GTSE1: variants seen among roughly 807,000 people sequenced by gnomAD.
The protein encoded by GTSE1 is G2 and S phase-expressed protein 1.
In GTSE1, 52 loss-of-function variants were observed where a neutral mutation model predicts 60.5. That is an observed-to-expected ratio of 0.86 (90% CI 0.69 to 1.08). The LOEUF (loss-of-function observed/expected upper bound fraction) is 1.08, where lower values mean the gene tolerates loss of function less well. Among genes scored for constraint, GTSE1 ranks in the 50% least tolerant of loss-of-function variants. The pLI is 0.00. For synonymous variants in GTSE1, 368 were observed against 386.5 expected, an observed-to-expected ratio of 0.95 and a Z score of 0.56; for missense variants, 937 against 961.8, an observed-to-expected ratio of 0.97 and a Z score of 0.34.
Position 46,297,796 on chromosome 22 carries a change from G to A in GTSE1, c.79+317G>A, listed in dbSNP as rs895885482. 6.6e-6 allele frequency among the ~76,000 whole-genome samples: 1 copy of A among 152,074 alleles called. No individual in the cohort carries two copies. The highest frequency in any genetic ancestry group is 1.5e-5 in the Non-Finnish European group (1 of 68,002). ...TCTTTTTTGTTTGTCGCTGGTTTCT[G>A]TTTGCTAAGACTTATTTAGGATCTT... is the stretch of plus-strand genomic sequence containing the variant. On this transcript the variant is annotated intron_variant, in intron 2 of 11. Coordinates refer to ENST00000454366, the MANE Select transcript of GTSE1 (RefSeq NM_016426.7). This position sits in a 1 kb window ranked among gnomAD's most constrained non-coding sequence, Gnocchi z 4.9.
At chr22:46,315,032 G>T (rs1472071424) in intron 6 of GTSE1, among the ~76,000 whole-genome samples, 1 of 151,076 alleles carries the variant, frequency 6.6e-6, no homozygotes, top group Non-Finnish European at 1.5e-5. Context: ...GGGACTACAG[G>T]CACATGCCAC....
In GTSE1 at chr22:46,326,566, C is replaced by T. The variant is rs2077845502; in HGVS notation, c.1636C>T (p.Pro546Ser). ...CTGCTCTGGCCTTCCACCGATGACC[C>T]CCAAAACGATGCCCAGGGCCGTGGG... is the stretch of plus-strand genomic sequence containing the variant. ...RRCSGLPPMT[P>S]KTMPRAVGSP... Residue 546 changes from proline (P) to serine (S), a missense_variant, in exon 9 of 12, where the codon CCC becomes TCC. Pro to Ser is a moderately conservative substitution (Grantham distance 74, BLOSUM62 -1). Transcript: ENST00000454366. 1.2e-6 allele frequency: 2 copies of T among 1,614,148 alleles called. No homozygotes were observed. The highest frequency in any genetic ancestry group is 1.7e-6 in the Non-Finnish European group (2 of 1,180,012).
intron 5 of GTSE1, 111 bp downstream of exon 5, chr22:46,312,416 G>A (rs2077754067): frequency 5.0e-6 from 5 of 1,004,126 alleles, no homozygotes; most frequent in Non-Finnish European, 7.3e-6. Flanking sequence ...AAGGTGGGAG[G>A]ATCACTTGAG....
In GTSE1 at chr22:46,316,036, A is replaced by G. The variant is rs757009450; in HGVS notation, c.1056A>G (p.Lys352=). 2 of 1,511,612 alleles carry G rather than the reference A, an allele frequency of 1.3e-6. No homozygotes were observed. Among genetic ancestry groups the G allele is most frequent in the South Asian group, 1.3e-5 (1 of 74,724 alleles). 93.6% of individuals were successfully genotyped at this position (1,511,612 alleles called of 1,614,324 possible). The change falls in exon 7 of 12, where the codon AAA becomes AAG. Residue 352 remains lysine, a synonymous_variant. Coordinates refer to ENST00000454366, the MANE Select transcript of GTSE1 (RefSeq NM_016426.7). The surrounding 1 kb of genome is among the most constrained non-coding windows in gnomAD (Gnocchi z 5.0). ...TTTTGTGTGTATACCTTCTAGCTAAATCAAGTGAATTTGCAAGTATTCCTG... is the reference window on the plus strand; with the variant it reads ...TTTTGTGTGTATACCTTCTAGCTAAGTCAAGTGAATTTGCAAGTATTCCTG... ...ACTSPAVGKA[K]SSEFASIPAN...
intron 2 of GTSE1, among the ~76,000 whole-genome samples, chr22:46,306,332 C>G (rs2077715052): frequency 6.6e-6 from 1 of 151,906 alleles, no homozygotes; most frequent in Non-Finnish European, 1.5e-5. Flanking sequence ...CAGGCACCTG[C>G]CACCACGCCC....
At chr22:46,300,356 A>T (rs1346923022) in intron 2 of GTSE1, among the ~76,000 whole-genome samples, 1 of 151,492 alleles carries the variant, frequency 6.6e-6, no homozygotes, top group Non-Finnish European at 1.5e-5. Flanking sequence ...TCAGCCTACC[A>T]CTGTGCTGGG....
Position 46,297,449 on chromosome 22 carries a change from G to A in GTSE1, c.49G>A (p.Asp17Asn), listed in dbSNP as rs906788261. Residue 17 changes from aspartate to asparagine, a missense_variant, in exon 2 of 12, where the codon GAC becomes AAC. By Grantham distance (23) the Asp-to-Asn change is conservative. Transcript: ENST00000454366. This position sits in a 1 kb window ranked among gnomAD's most constrained non-coding sequence, Gnocchi z 4.9. ...RDEPSACRAG[D>N]VNMDDPKKED... ...TGAGCCTTCAGCCTGCCGGGCAGGG[G>A]ACGTGAACATGGATGACCCTAAGAA... 8 of 1,613,672 alleles carry A rather than the reference G, an allele frequency of 5.0e-6. No homozygotes were observed. Among genetic ancestry groups the A allele is most frequent in the African/African-American group, 1.3e-5 (1 of 74,932 alleles).
rs936754288 is a variant in GTSE1, at chr22:46,329,879, G to T, written c.2137-168G>T. ...GCCTGGGCTTCTCCGTGTGTGTCCTGTCTCCTTCCAGCTTCTTAGACGTGG... is the reference window on the plus strand; with the variant it reads ...GCCTGGGCTTCTCCGTGTGTGTCCTTTCTCCTTCCAGCTTCTTAGACGTGG... On this transcript the variant is annotated intron_variant, in intron 11 of 11. Coordinates refer to ENST00000454366, the MANE Select transcript of GTSE1 (RefSeq NM_016426.7). The surrounding 1 kb of genome is among the most constrained non-coding windows in gnomAD (Gnocchi z 6.4). Among the ~76,000 whole-genome samples the T allele has an allele frequency of 6.6e-6, 1 of 152,210 alleles. No homozygotes were observed. Among genetic ancestry groups the T allele is most frequent in the Admixed American group, 6.5e-5 (1 of 15,286 alleles).
rs2077829514 is a variant in GTSE1 at position 46,324,005 on chromosome 22, A to T, written c.1505+743A>T. ...CCGTGTCCGGCCTGACTTGGCTTTG[A>T]ATCCCAGCTCCACCACTTCCTGGTC... On this transcript the variant is annotated intron_variant, in intron 8 of 11. Transcript: ENST00000454366. This position sits in a 1 kb window ranked among gnomAD's most constrained non-coding sequence, Gnocchi z 5.2. Among the ~76,000 whole-genome samples the T allele has an allele frequency of 6.6e-6, 1 of 151,874 alleles. No homozygotes were observed.
At position 46,310,793 on chromosome 22, in the gene GTSE1, G is replaced by C. The variant is rs966889018; in HGVS notation, c.763-1348G>C. Among the ~76,000 whole-genome samples the C allele has an allele frequency of 3.9e-5, 6 of 152,146 alleles. No individual in the cohort carries two copies. Among genetic ancestry groups the C allele is most frequent in the African/African-American group, 1.4e-4 (6 of 41,430 alleles). On this transcript the variant is annotated intron_variant, in intron 4 of 11. Coordinates refer to ENST00000454366, the MANE Select transcript of GTSE1 (RefSeq NM_016426.7). This position sits in a 1 kb window ranked among gnomAD's most constrained non-coding sequence, Gnocchi z 4.4. ...AAAAATACAAAAATTAGCCAAGTAT[G>C]GTGGTGCACACCTGTAATCCCAGCT...
At chr22:46,315,514 C>A (rs2077773823) in intron 6 of GTSE1, among the ~76,000 whole-genome samples, 1 of 152,200 alleles carries the variant, frequency 6.6e-6, no homozygotes, top group South Asian at 2.1e-4. Context: ...CTTTAAGAAT[C>A]CTTTACCAGA....
In GTSE1 at chr22:46,329,514, A is replaced by G. The variant is rs754874942; in HGVS notation, c.2083A>G (p.Asn695Asp). ...CAGGCCTCTGATCGACCTCATGACA[A>G]ACACTCCAGACATGAATAAAAATGT... ...ESRPLIDLMT[N>D]TPDMNKNVAK... The change falls in exon 11 of 12, where the codon AAC (asparagine) becomes GAC (aspartate). Residue 695 changes from asparagine to aspartate, a missense_variant. Coordinates refer to ENST00000454366, the MANE Select transcript of GTSE1 (RefSeq NM_016426.7). The surrounding 1 kb of genome is among the most constrained non-coding windows in gnomAD (Gnocchi z 6.4). 1 of 1,614,158 alleles carries G rather than the reference A, an allele frequency of 6.2e-7. No individual in the cohort carries two copies. The highest frequency in any genetic ancestry group is 2.2e-5 in the East Asian group (1 of 44,870).
rs2077662000 is a variant in GTSE1 at position 46,297,223 on chromosome 22, C to T, written c.-21-157C>T. Among the ~76,000 whole-genome samples, 1 of 152,200 alleles carries T rather than the reference C, an allele frequency of 6.6e-6. No homozygotes were observed. The highest frequency in any genetic ancestry group is 1.5e-5 in the Non-Finnish European group (1 of 68,022). On this transcript the variant is annotated intron_variant, in intron 1 of 11. Transcript: ENST00000454366. The surrounding 1 kb of genome is among the most constrained non-coding windows in gnomAD (Gnocchi z 4.9). The stretch of plus-strand genomic sequence containing the variant: ...TGGCGGCACTCGGGCCCTGGGGTCC[C>T]CTGGGATGCGATCATTTCAGAGCGG...
At chr22:46,311,478 T>G (rs1178065650) in intron 4 of GTSE1, among the ~76,000 whole-genome samples, 3 of 152,260 alleles carry the variant, frequency 2.0e-5, no homozygotes, top group African/African-American at 7.2e-5. Flanking sequence ...GTATACTGTT[T>G]AAAATAGTGA....
chr22:46,305,899 T>C (rs191219692), intron 2 of GTSE1, among the ~76,000 whole-genome samples: 1 of 151,794 alleles, frequency 6.6e-6, no homozygotes, highest in African/African-American at 2.4e-5. Flanking sequence ...AGAGTGAGAC[T>C]CCATCTCAAA....
rs368072211 is a variant in GTSE1 at position 46,316,286 on chromosome 22, G to T, written c.1306G>T (p.Ala436Ser). The change falls in exon 7 of 12, where the codon GCT becomes TCT. Residue 436 changes from alanine (A) to serine (S), a missense_variant. Transcript: ENST00000454366. The surrounding 1 kb of genome is among the most constrained non-coding windows in gnomAD (Gnocchi z 5.0). ...GGGQWLNSSC[A>S]WSESSQLNKT... ...CGGCCAGTGGCTGAACTCCAGTTGC[G>T]CTTGGTCAGAATCTTCTCAATTGAA... The T allele has an allele frequency of 6.2e-7, 1 of 1,613,858 alleles. No individual in the cohort carries two copies. Among genetic ancestry groups the T allele is most frequent in the Non-Finnish European group, 8.5e-7 (1 of 1,180,026 alleles).
chr22:46,300,237 A>C (rs942997843), intron 2 of GTSE1, among the ~76,000 whole-genome samples: 6 of 152,072 alleles, frequency 3.9e-5, no homozygotes, highest in Non-Finnish European at 8.8e-5. Context: ...AGCTGGGATT[A>C]AAGGCATGAG....
At chr22:46,327,328 G>A (rs1185394446) in intron 9 of GTSE1, 1 of 152,208 alleles carries the variant, frequency 6.6e-6, no homozygotes, top group Admixed American at 6.5e-5. Flanking sequence ...TTCCAATGAA[G>A]TCACACCTCA....
Position 46,297,409 on chromosome 22 carries a change from A to G in GTSE1, c.9A>G (p.Gly3=). ME[G]GGGRDEPSAC... ...TTCTGACAGCTCTCTCCATGGAAGG[A>G]GGCGGCGGCCGCGATGAGCCTTCAG... The change falls in exon 2 of 12, where the codon GGA becomes GGG. Residue 3 remains glycine, a synonymous_variant. Transcript: ENST00000454366. This position sits in a 1 kb window ranked among gnomAD's most constrained non-coding sequence, Gnocchi z 4.9. 6.2e-7 allele frequency: 1 copy of G among 1,613,050 alleles called. No individual in the cohort carries two copies.
Sources: gnomAD v4.1 joint callset for allele counts (sites outside exome capture counted in the v4.1 genomes callset) on GRCh38, gnomAD v4.1.1 for gene constraint, Gnocchi (gnomAD v3.1) non-coding constraint, MANE v1.5 for transcripts, NCBI Gene and HGNC (gene_info 2026-07-23, HGNC 2026-07-21) for gene names.